The following PDE4D variants were observed in gnomAD, a reference collection of about 807,000 sequenced individuals.
The protein encoded by PDE4D is phosphodiesterase 4D.
PDE4D carries 24 observed loss-of-function variants against 87.4 expected under a neutral mutation model. The observed-to-expected ratio is 0.27, with a 90% CI of 0.20 to 0.39. PDE4D has a LOEUF of 0.39. Ranked by LOEUF, PDE4D falls within the 10% of genes least tolerant of loss-of-function variation. PDE4D has a pLI of 1.00. For synonymous variants in PDE4D, 384 were observed against 383.2 expected (o/e 1.00, Z -0.02); for missense variants, 714 against 1,041.0 (o/e 0.69, Z 4.32).
rs539807060 is a variant in PDE4D, at chr5:59,513,845, C to T, written c.456-297877G>A. Among the ~76,000 whole-genome samples, 25 of 152,178 alleles carry T rather than the reference C, an allele frequency of 1.6e-4. No homozygotes were observed. In the South Asian group the frequency reaches 3.9e-3, roughly 24 times the overall value. On this transcript the variant is annotated intron_variant, in intron 1 of 14. Transcript: ENST00000340635. ...CAGTCTTTCCCATGTTTCTGAAGTT[C>T]GCTGTAAAGATACAGGTTTAAATCT...
At chr5:60,193,669 CAAAA>C (rs35340734) in intron 1 of PDE4D, among the ~76,000 whole-genome samples, 2 of 46,878 alleles carry the variant, frequency 4.3e-5, no homozygotes, top group East Asian at 5.3e-4. Flanking sequence ...GACTCCGTCT[CAAAA>C]AAAAAAAAAA....
intron 1 of PDE4D, among the ~76,000 whole-genome samples, chr5:59,658,527 G>A (rs943123884): frequency 6.6e-6 from 1 of 152,002 alleles, no homozygotes; most frequent in East Asian, 1.9e-4. Context: ...GACTGCAGGC[G>A]CCCGCCACTG....
chr5:59,254,573 C>A (rs1363532052), intron 1 of PDE4D, among the ~76,000 whole-genome samples: 2 of 152,000 alleles, frequency 1.3e-5, no homozygotes, highest in Non-Finnish European at 2.9e-5. Flanking sequence ...CCTGGCCTGA[C>A]CAACATTGGT....
At chr5:59,589,766 A>G (rs1825664652) in intron 1 of PDE4D, among the ~76,000 whole-genome samples, 1 of 152,190 alleles carries the variant, frequency 6.6e-6, no homozygotes, top group South Asian at 2.1e-4. Context: ...GCAATGATAT[A>G]AGCAAAGCAC....
At chr5:60,308,990 C>T (rs1754755841) in intron 1 of PDE4D, among the ~76,000 whole-genome samples, 1 of 152,028 alleles carries the variant, frequency 6.6e-6, no homozygotes, top group African/African-American at 2.4e-5. Flanking sequence ...TTTATGTTGC[C>T]TCTATGTTTG....
chr5:59,721,119 T>A (rs1416488097), intron 1 of PDE4D, among the ~76,000 whole-genome samples: 1 of 152,186 alleles, frequency 6.6e-6, no homozygotes, highest in African/African-American at 2.4e-5. Context: ...TATTTATAAG[T>A]CTTGTCTATT....
intron 1 of PDE4D, among the ~76,000 whole-genome samples, chr5:59,493,053 T>C (rs548534851): frequency 1.8e-4 from 27 of 152,302 alleles, no homozygotes; most frequent in South Asian, 6.2e-4. Context: ...ATGATCTATA[T>C]GGTCAATTCA....
chr5:60,337,388 T>TATATATATATATATATATATACACAC (rs66871903), intron 1 of PDE4D, among the ~76,000 whole-genome samples: 1 of 89,476 alleles, frequency 1.1e-5, no homozygotes, highest in Non-Finnish European at 2.2e-5. Context: ...TATATATATA[T>TATATATATATATATATATATACACAC]ACACACACAC....
Position 59,645,816 on chromosome 5 carries a change from G to T in PDE4D, c.455+247352C>A, listed in dbSNP as rs550277699. 5.9e-5 allele frequency among the ~76,000 whole-genome samples: 9 copies of T among 152,264 alleles called. No homozygotes were observed. The South Asian group carries it at 1.7e-3, about 28-fold the overall frequency. ...TTGATAGAGATATTTCCCAAGTTTGGTCACAGTCCTAAGAATGTATATGAA... is the reference window on the plus strand; with the variant it reads ...TTGATAGAGATATTTCCCAAGTTTGTTCACAGTCCTAAGAATGTATATGAA... On this transcript the variant is annotated intron_variant, in intron 1 of 14. Coordinates refer to ENST00000340635, the MANE Select transcript of PDE4D (RefSeq NM_001104631.2).
intron 1 of PDE4D, among the ~76,000 whole-genome samples, chr5:59,488,268 G>A (rs1384418502): frequency 1.3e-5 from 2 of 151,652 alleles, no homozygotes; most frequent in East Asian, 1.9e-4. Flanking sequence ...CACTCAGGCT[G>A]TAGCTTCGTT....
intron 3 of PDE4D, among the ~76,000 whole-genome samples, chr5:59,950,180 A>G (rs1758148519): frequency 6.6e-6 from 1 of 152,142 alleles, no homozygotes; most frequent in South Asian, 2.1e-4. Flanking sequence ...TGTTCTGCGT[A>G]TCTCACAGTG....
In PDE4D at chr5:60,258,171, C is replaced by G. The variant is rs116509510; in HGVS notation, c.-89-72484G>C. On this transcript the variant is annotated intron_variant, in intron 1 of 16. Coordinates refer to the PDE4D transcript ENST00000502484. Reference sequence around the variant, plus strand: ...AGAACAAGCTACTCCAGCTGCCTGCCGATGGTGATTTTACCCTGTTTCATA... The same window carrying G: ...AGAACAAGCTACTCCAGCTGCCTGCGGATGGTGATTTTACCCTGTTTCATA... 3.7e-3 allele frequency among the ~76,000 whole-genome samples: 559 copies of G among 152,028 alleles called. 4 individuals carry two copies. The highest frequency in any genetic ancestry group is 0.014 in the Middle Eastern group (4 of 294).
chr5:59,504,417 A>G (rs1808861327), intron 1 of PDE4D, among the ~76,000 whole-genome samples: 1 of 152,174 alleles, frequency 6.6e-6, no homozygotes, highest in African/African-American at 2.4e-5. Context: ...CCACCATCTC[A>G]ACCCAGTTAA....
At chr5:59,136,979 C>T (rs1163863781) in intron 5 of PDE4D, among the ~76,000 whole-genome samples, 1 of 152,204 alleles carries the variant, frequency 6.6e-6, no homozygotes, top group Non-Finnish European at 1.5e-5. Context: ...GAATGCCCCA[C>T]ATCCCAGGAA....
intron 5 of PDE4D, among the ~76,000 whole-genome samples, chr5:59,135,986 G>A (rs112413865): frequency 7.2e-6 from 1 of 139,676 alleles, no homozygotes; most frequent in Non-Finnish European, 1.6e-5. Flanking sequence ...CCATCTGAAA[G>A]GATGAATTTG....
At chr5:59,178,923 G>C (rs1309618337) in intron 5 of PDE4D, among the ~76,000 whole-genome samples, 1 of 152,130 alleles carries the variant, frequency 6.6e-6, no homozygotes, top group Non-Finnish European at 1.5e-5. Context: ...AGAGGCCTCA[G>C]GTACAGGTTC....
intron 1 of PDE4D, among the ~76,000 whole-genome samples, chr5:60,341,495 G>A (rs1015262295): frequency 1.3e-5 from 2 of 152,188 alleles, no homozygotes; most frequent in Non-Finnish European, 2.9e-5. Flanking sequence ...GGGTAAGGAA[G>A]AGCTATGGTC....
chr5:59,282,952 G>T (rs1011574319), intron 1 of PDE4D, among the ~76,000 whole-genome samples: 3 of 152,124 alleles, frequency 2.0e-5, no homozygotes, highest in African/African-American at 7.2e-5. Flanking sequence ...TTTAGGAAGG[G>T]TATGTAGGAT....
rs993173960 is a variant in PDE4D, at chr5:60,147,386, C to T, written c.42+38171G>A. ...TGCTGGCGGTGAATGGGCCACGCTG[C>T]ATTCATTATTTACCAACAAGATTAA... is the stretch of plus-strand genomic sequence containing the variant. On this transcript the variant is annotated intron_variant, in intron 2 of 16. Coordinates refer to the PDE4D transcript ENST00000502484. Among the ~76,000 whole-genome samples the T allele has an allele frequency of 3.3e-5, 5 of 152,116 alleles. No individual in the cohort carries two copies. In the South Asian group the frequency reaches 6.2e-4, roughly 19 times the overall value.
Sources: gnomAD v4.1 joint callset for allele counts (sites outside exome capture counted in the v4.1 genomes callset) on GRCh38, gnomAD v4.1.1 for gene constraint, MANE v1.5 for transcripts, NCBI Gene and HGNC (gene_info 2026-07-23, HGNC 2026-07-21) for gene names.